CDH13: variants seen among roughly 807,000 people sequenced by gnomAD.
CDH13 encodes cadherin-13.
A neutral mutation model predicts 63.8 loss-of-function variants in CDH13; 24 were observed. The observed-to-expected ratio is 0.38, with a 90% CI of 0.27 to 0.53. The LOEUF (loss-of-function observed/expected upper bound fraction) is 0.53, where lower values mean the gene tolerates loss of function less well. Ranked by LOEUF, CDH13 falls within the 20% of genes least tolerant of loss-of-function variation. The pLI, the probability that CDH13 is intolerant of heterozygous loss-of-function variation, is 0.85. For synonymous variants in CDH13, 503 were observed against 355.3 expected (o/e 1.42, Z -4.67); for missense variants, 1,049 against 903.1 (o/e 1.16, Z -2.07).
At chr16:83,193,289 CT>C (rs1448305300) in intron 4 of CDH13, among the ~76,000 whole-genome samples, 7 of 151,266 alleles carry the variant, frequency 4.6e-5, no homozygotes, top group African/African-American at 1.7e-4. Flanking sequence ...GATTTTATTC[CT>C]ATTTTACAGT....
chr16:83,033,429 T>C (rs570112225), intron 3 of CDH13, among the ~76,000 whole-genome samples: 11 of 152,342 alleles, frequency 7.2e-5, no homozygotes, highest in African/African-American at 2.6e-4. Context: ...TGTTTCCCAA[T>C]GACTTTTGGT....
At chr16:83,008,042 G>A (rs1014490146) in intron 2 of CDH13, among the ~76,000 whole-genome samples, 11 of 152,012 alleles carry the variant, frequency 7.2e-5, no homozygotes, top group African/African-American at 1.7e-4. Context: ...GAGAAGACAC[G>A]GAAATGAAGG....
rs145242405 is a variant in CDH13, at chr16:83,709,499, T to C, written c.1538+31038T>C. On this transcript the variant is annotated intron_variant, in intron 10 of 13. Transcript: ENST00000567109. ...TGCACCATTTGAGAAACACGGCCTC[T>C]GCACAGGAATTGCATCATAATCATC... is the stretch of plus-strand genomic sequence containing the variant. 2.4e-3 allele frequency among the ~76,000 whole-genome samples: 363 copies of C among 152,360 alleles called. 3 individuals are homozygous for C. The highest frequency in any genetic ancestry group is 8.4e-3 in the African/African-American group (349 of 41,588).
intron 5 of CDH13, among the ~76,000 whole-genome samples, chr16:83,319,797 T>C (rs1049055478): frequency 2.6e-5 from 4 of 152,204 alleles, no homozygotes; most frequent in South Asian, 2.1e-4. Context: ...AAAGCTTGAA[T>C]GGGCTCTAAG....
chr16:82,877,977 A>T (rs1165935139), intron 2 of CDH13, among the ~76,000 whole-genome samples: 5 of 149,822 alleles, frequency 3.3e-5, no homozygotes, highest in Admixed American at 2.0e-4. Context: ...ACACACACAC[A>T]CTCTATATAT....
intron 1 of CDH13, among the ~76,000 whole-genome samples, chr16:82,660,906 T>C (rs990787674): frequency 3.9e-5 from 6 of 152,008 alleles, no homozygotes; most frequent in African/African-American, 1.4e-4. Context: ...TAACTGATTA[T>C]AATTTAACAT....
chr16:83,333,822 G>C (rs559876472), intron 5 of CDH13, among the ~76,000 whole-genome samples: 1 of 152,210 alleles, frequency 6.6e-6, no homozygotes, highest in East Asian at 1.9e-4. Flanking sequence ...CATTGTTAAT[G>C]GTACCTACTT....
chr16:83,647,321 A>C lies in CDH13; in HGVS notation c.1102-23469A>C, dbSNP rs1911923410. ...GAGTGAGACTCTGTCTCAAAAAAAA[A>C]AAAAAAAAAAATTACACTAGCATCC... On this transcript the variant is annotated intron_variant, in intron 8 of 13. Transcript: ENST00000567109. 2.6e-5 allele frequency among the ~76,000 whole-genome samples: 4 copies of C among 151,936 alleles called. No homozygotes were observed. In the South Asian group the frequency reaches 8.3e-4, roughly 32 times the overall value.
intron 6 of CDH13, among the ~76,000 whole-genome samples, chr16:83,411,509 A>C (rs1230745166): frequency 2.0e-5 from 3 of 152,208 alleles, no homozygotes; most frequent in African/African-American, 7.2e-5. Flanking sequence ...GCACATAGTC[A>C]ATGAATATTC....
intron 6 of CDH13, among the ~76,000 whole-genome samples, chr16:83,379,902 A>C (rs959146462): frequency 7.8e-6 from 1 of 128,128 alleles, no homozygotes. Context: ...AGATATATGT[A>C]TTATATATGT....
chr16:83,444,528 T>C (rs2072608058), intron 6 of CDH13, among the ~76,000 whole-genome samples: 1 of 152,182 alleles, frequency 6.6e-6, no homozygotes, highest in African/African-American at 2.4e-5. Flanking sequence ...ACCCACCTGA[T>C]GAGTGGCAGA....
At chr16:82,722,738 G>T (rs527636682) in intron 1 of CDH13, among the ~76,000 whole-genome samples, 1 of 152,284 alleles carries the variant, frequency 6.6e-6, no homozygotes, top group East Asian at 1.9e-4. Flanking sequence ...TTCTCCTGCA[G>T]GAAGTTCAGG....
intron 7 of CDH13, among the ~76,000 whole-genome samples, chr16:83,513,652 C>G (rs1398814926): frequency 6.6e-6 from 1 of 152,102 alleles, no homozygotes; most frequent in East Asian, 1.9e-4. Context: ...ACCGTGAGAT[C>G]TCTTGAAAAC....
intron 8 of CDH13, among the ~76,000 whole-genome samples, chr16:83,620,105 G>A (rs1567458903): frequency 2.6e-5 from 4 of 151,894 alleles, no homozygotes. Flanking sequence ...AAGAGATAGG[G>A]AGGGGGGCCG....
chr16:83,126,912 G>A (rs1013534038), intron 4 of CDH13, among the ~76,000 whole-genome samples: 1 of 152,186 alleles, frequency 6.6e-6, no homozygotes, highest in South Asian at 2.1e-4. Flanking sequence ...GACAAATGCT[G>A]TGAAAATCAG....
At chr16:83,612,267 A>G (rs941380350) in intron 8 of CDH13, among the ~76,000 whole-genome samples, 2 of 151,994 alleles carry the variant, frequency 1.3e-5, no homozygotes, top group East Asian at 1.9e-4. Context: ...GTACCTCTCT[A>G]TCTCTGCAAA....
At chr16:83,364,683 A>T (rs1281871573) in intron 6 of CDH13, among the ~76,000 whole-genome samples, 5 of 152,166 alleles carry the variant, frequency 3.3e-5, no homozygotes, top group Non-Finnish European at 1.5e-5. Flanking sequence ...ACTTTTATGA[A>T]TGTTTCTTTT....
At chr16:83,522,804 G>C (rs138805221) in intron 7 of CDH13, among the ~76,000 whole-genome samples, 1 of 152,086 alleles carries the variant, frequency 6.6e-6, no homozygotes, top group Non-Finnish European at 1.5e-5. Context: ...TTATTACAGA[G>C]GCTCTGACCT....
At chr16:82,958,958 G>C (rs947460980) in intron 2 of CDH13, among the ~76,000 whole-genome samples, 8 of 152,232 alleles carry the variant, frequency 5.3e-5, no homozygotes, top group African/African-American at 1.9e-4. Context: ...AGAAAGAGAA[G>C]ACTGAAGATC....
Sources: gnomAD v4.1 joint callset for allele counts (sites outside exome capture counted in the v4.1 genomes callset) on GRCh38, gnomAD v4.1.1 for gene constraint, MANE v1.5 for transcripts, NCBI Gene and HGNC (gene_info 2026-07-23, HGNC 2026-07-21) for gene names.